ETV7: variants seen among roughly 807,000 people sequenced by gnomAD.
ETV7 encodes the protein ETS variant transcription factor 7.
Under a neutral mutation model 39.1 loss-of-function variants are expected in ETV7, and 43 were observed. That is an observed-to-expected ratio of 1.10 (90% CI 0.86 to 1.42). The LOEUF (loss-of-function observed/expected upper bound fraction) is 1.42. Among genes scored for constraint, ETV7 ranks in the 40% most tolerant of loss-of-function variants. The pLI is 0.00. For missense variants in ETV7, 432 were observed against 442.3 expected (o/e 0.98, Z 0.21); for synonymous variants, 196 against 176.6 (o/e 1.11, Z -0.87).
At chr6:36,376,122 C>G (rs891742381) in intron 2 of ETV7, 87 bp from the exon 3 acceptor site, 4 of 1,291,544 alleles carry the variant, frequency 3.1e-6, no homozygotes, top group Non-Finnish European at 4.2e-6. Context: ...AGCAGATGCT[C>G]CCCTGTCCTG....
downstream of ETV7, among the ~76,000 whole-genome samples, chr6:36,364,521 C>T (rs529403276): frequency 1.1e-4 from 17 of 152,358 alleles, no homozygotes; most frequent in African/African-American, 4.1e-4. Flanking sequence ...GCCGGCTGCT[C>T]CGAGTGCGGG....
At chr6:36,363,382 G>A (rs1252590195), downstream of ETV7, among the ~76,000 whole-genome samples, 1 of 151,130 alleles carries the variant, frequency 6.6e-6, no homozygotes, top group African/African-American at 2.4e-5. Flanking sequence ...GTTCCTCCCC[G>A]TGGGCTCATG....
At chr6:36,365,669 A>G (rs1381392963), downstream of ETV7, among the ~76,000 whole-genome samples, 4 of 152,092 alleles carry the variant, frequency 2.6e-5, no homozygotes, top group African/African-American at 9.7e-5. Context: ...AAGAGCAGAG[A>G]GGTGGGGCCG....
At chr6:36,372,749 G>A (rs886324604) in intron 4 of ETV7, among the ~76,000 whole-genome samples, 3 of 142,314 alleles carry the variant, frequency 2.1e-5, no homozygotes, top group Non-Finnish European at 4.6e-5. Context: ...AGGGGCTGGG[G>A]GTGTTGAGAG....
At chr6:36,385,324 A>T (rs1773841584) in intron 2 of ETV7, among the ~76,000 whole-genome samples, 3 of 152,236 alleles carry the variant, frequency 2.0e-5, no homozygotes, top group Middle Eastern at 6.8e-3. Context: ...TAAAAATTTT[A>T]AAATTAGCCA....
At chr6:36,362,816 A>AT (rs1772546500), downstream of ETV7, among the ~76,000 whole-genome samples, 2 of 152,180 alleles carry the variant, frequency 1.3e-5, 1 homozygote, top group South Asian at 4.1e-4. Context: ...GGTGAGATTC[A>AT]TTGCCTGAGT....
At chr6:36,366,809 G>A in intron 7 of ETV7, 47 bp from the exon 8 acceptor site, 1 of 1,612,960 alleles carries the variant, frequency 6.2e-7, no homozygotes, top group Non-Finnish European at 8.5e-7. Context: ...CCCAGCTGCA[G>A]GGGGATTCCA....
chr6:36,361,700 T>C (rs1328739758), downstream of ETV7, among the ~76,000 whole-genome samples: 8 of 152,258 alleles, frequency 5.3e-5, no homozygotes, highest in Non-Finnish European at 8.8e-5. Flanking sequence ...GTTAATGCTG[T>C]AAATGGTTCA....
rs761387150 is a variant in ETV7 at position 36,385,637 on chromosome 6, A to G, written c.39T>C (p.Pro13=). The G allele has an allele frequency of 6.2e-7, 1 of 1,613,584 alleles. No individual in the cohort carries two copies. Among genetic ancestry groups the G allele is most frequent in the Non-Finnish European group, 8.5e-7 (1 of 1,179,740 alleles). Residue 13 remains proline (P), a synonymous_variant, in exon 2 of 8, where the codon CCT becomes CCC. Transcript: ENST00000340181. ...TGCCTAGGGGAGGCATGGCTGCCAC[A>G]GGGCTTATAGGAGAAATAGCCAATT... is the stretch of plus-strand genomic sequence containing the variant. ...EGELAISPIS[P]VAAMPPLGTH...
chr6:36,361,483 G>A (rs936015358), downstream of ETV7, among the ~76,000 whole-genome samples: 1 of 152,224 alleles, frequency 6.6e-6, no homozygotes, highest in East Asian at 1.9e-4. Context: ...GGAAGCCAAG[G>A]AAGACTGTGG....
intron 7 of ETV7, among the ~76,000 whole-genome samples, chr6:36,356,861 G>T (rs891255375): frequency 2.0e-5 from 3 of 152,226 alleles, no homozygotes; most frequent in Non-Finnish European, 4.4e-5. Context: ...CTGTGAAGAT[G>T]TGTGTATCAA....
intron 1 of ETV7, chr6:36,386,955 G>A (rs1296579334): frequency 6.0e-6 from 1 of 165,302 alleles, no homozygotes; most frequent in Non-Finnish European, 1.3e-5. Flanking sequence ...GAATTCCGAG[G>A]CTGTAACTGC....
intron 3 of ETV7, 23 bp from the exon 4 acceptor site, chr6:36,373,601 G>GGGGGGGTGGGC: frequency 2.1e-6 from 1 of 475,640 alleles, no homozygotes; most frequent in Non-Finnish European, 4.0e-6. Flanking sequence ...GGGAGGGAGG[G>GGGGGGGTGGGC]CAGGCTGCTG....
intron 2 of ETV7, among the ~76,000 whole-genome samples, chr6:36,376,295 C>T (rs910701886): frequency 6.6e-6 from 1 of 152,218 alleles, no homozygotes; most frequent in Non-Finnish European, 1.5e-5. Context: ...TGGTACCTCC[C>T]CACCACCTGT....
downstream of ETV7, among the ~76,000 whole-genome samples, chr6:36,363,271 C>T (rs554880193): frequency 6.6e-6 from 1 of 151,354 alleles, no homozygotes; most frequent in African/African-American, 2.4e-5. Flanking sequence ...TTCAGAGTTT[C>T]TTCCTTCTGG....
In ETV7 at chr6:36,366,644, C is replaced by T. The variant is rs773673736; in HGVS notation, c.*1G>A. The T allele has an allele frequency of 6.2e-6, 10 of 1,614,060 alleles. No homozygotes were observed. In the Admixed American group the frequency reaches 1.3e-4, roughly 22 times the overall value. The stretch of plus-strand genomic sequence containing the variant: ...CCGGGTGCCTGGAGTCCACCTGCCC[C>T]TCACGGAGAGATTTCTGGCCTCTTG... On this transcript the variant is annotated 3_prime_UTR_variant, in exon 8 of 8. Transcript: ENST00000340181.
chr6:36,381,557 T>C (rs935936933), intron 2 of ETV7, among the ~76,000 whole-genome samples: 1 of 152,184 alleles, frequency 6.6e-6, no homozygotes, highest in East Asian at 1.9e-4. Context: ...CTAGCTTGCT[T>C]CTCTGCCATG....
At chr6:36,363,887 G>A (rs986178939), downstream of ETV7, among the ~76,000 whole-genome samples, 5 of 152,114 alleles carry the variant, frequency 3.3e-5, no homozygotes, top group Admixed American at 1.3e-4. Context: ...ACAGGGTGCT[G>A]ATTGGTGTAT....
chr6:36,358,909 T>G (rs1314598116), intron 7 of ETV7, among the ~76,000 whole-genome samples: 2 of 152,198 alleles, frequency 1.3e-5, no homozygotes, highest in Non-Finnish European at 2.9e-5. Context: ...CCGTGCTTCC[T>G]TGAGTTAGGA....
Sources: gnomAD v4.1 joint callset for allele counts (sites outside exome capture counted in the v4.1 genomes callset) on GRCh38, gnomAD v4.1.1 for gene constraint, MANE v1.5 for transcripts, NCBI Gene and HGNC (gene_info 2026-07-23, HGNC 2026-07-21) for gene names.